Variants in PLCE1 observed in about 807,000 individuals in gnomAD.
PLCE1 encodes the protein 1-phosphatidylinositol 4,5-bisphosphate phosphodiesterase epsilon-1.
A neutral mutation model predicts 242.8 loss-of-function variants in PLCE1; 119 were observed. The observed-to-expected ratio is 0.49, with a 90% confidence interval of 0.42 to 0.57. The LOEUF is 0.57. Among genes scored for constraint, PLCE1 ranks in the 20% least tolerant of loss-of-function variants. The pLI, the probability that PLCE1 is intolerant of heterozygous loss-of-function variation, is 0.00. For missense variants in PLCE1, 2,441 were observed against 2,788.8 expected, an observed-to-expected ratio of 0.88 and a Z score of 2.81; for synonymous variants, 945 against 1,017.4, an observed-to-expected ratio of 0.93 and a Z score of 1.35.
At chr10:94,033,580 CT>C (rs1002989513) in intron 2 of PLCE1, among the ~76,000 whole-genome samples, 12 of 151,896 alleles carry the variant, frequency 7.9e-5, no homozygotes, top group South Asian at 2.1e-4. Flanking sequence ...TAATGAATCA[CT>C]TTTTTTTCCT....
chr10:94,266,729 A>G (rs1444648222), intron 16 of PLCE1, among the ~76,000 whole-genome samples: 1 of 152,194 alleles, frequency 6.6e-6, no homozygotes, highest in African/African-American at 2.4e-5. Flanking sequence ...TGAAAACTAC[A>G]GGTGTATTGT....
intron 1 of PLCE1, among the ~76,000 whole-genome samples, chr10:94,004,553 G>T (rs2134205292): frequency 6.6e-6 from 1 of 152,344 alleles, no homozygotes; most frequent in East Asian, 1.9e-4. Context: ...TACTGCATGG[G>T]TGTCTTTGTG....
chr10:94,217,853 T>C (rs1420676432), intron 4 of PLCE1, among the ~76,000 whole-genome samples: 1 of 151,992 alleles, frequency 6.6e-6, no homozygotes, highest in Non-Finnish European at 1.5e-5. Flanking sequence ...CAGAATAACA[T>C]GTTCTCTACC....
intron 27 of PLCE1, among the ~76,000 whole-genome samples, chr10:94,311,872 C>T (rs1430362472): frequency 9.9e-5 from 15 of 152,134 alleles, no homozygotes; most frequent in Non-Finnish European, 1.5e-5. Context: ...AATTCACATG[C>T]CAGGAGGATC....
At chr10:94,236,686 G>A (rs990245893) in intron 7 of PLCE1, among the ~76,000 whole-genome samples, 2 of 152,156 alleles carry the variant, frequency 1.3e-5, no homozygotes, top group Non-Finnish European at 2.9e-5. Context: ...CAAGGCATCT[G>A]CAGGTTTTTA....
At chr10:94,106,063 C>T (rs1000002164) in intron 2 of PLCE1, 1 of 152,200 alleles carries the variant, frequency 6.6e-6, no homozygotes, top group African/African-American at 2.4e-5. Context: ...AGCTGGGATT[C>T]AAACTCAGGA....
rs747614650 is a variant in PLCE1 at position 94,293,611 on chromosome 10, A to T, written c.5139A>T (p.Thr1713=). ...NNPGRMSPGE[T]ASFNKTSGKS... is the part of the protein sequence containing the mutation. ...CGGGCAGAATGAGCCCAGGGGAGAC[A>T]GCATCATTTAACAAAACATCTGGAA... Residue 1713 remains threonine, a synonymous_variant, in exon 23 of 33, where the codon ACA becomes ACT. Transcript: ENST00000371380. 3.7e-6 allele frequency: 6 copies of T among 1,613,854 alleles called. No homozygotes were observed. The highest frequency in any genetic ancestry group is 1.6e-4 in the Middle Eastern group (1 of 6,084).
rs977550656 is a variant in PLCE1, at chr10:94,252,304, G to T, written c.3097-12G>T. On this transcript the variant is annotated splice_polypyrimidine_tract_variant and intron_variant, in intron 8 of 32. Transcript: ENST00000371380. ...TGCTTCCTATTGTGTTCACCATGTG[G>T]CTCTTTCACAGGAGGATGGACGGTA... The T allele has an allele frequency of 6.2e-7, 1 of 1,612,942 alleles. No individual in the cohort carries two copies. Among genetic ancestry groups the T allele is most frequent in the Non-Finnish European group, 8.5e-7 (1 of 1,178,978 alleles).
At chr10:94,301,375 TAG>T in intron 24 of PLCE1, among the ~76,000 whole-genome samples, 1 of 151,570 alleles carries the variant, frequency 6.6e-6, no homozygotes, top group Non-Finnish European at 1.5e-5. Context: ...ATTATATATA[TAG>T]ATAGATAGAT....
chr10:94,137,754 T>A (rs1354218377), intron 3 of PLCE1: 1 of 191,384 alleles, frequency 5.2e-6, no homozygotes, highest in African/African-American at 2.4e-5. Context: ...AGCAAGATAG[T>A]GCAGACACAG....
At chr10:94,044,074 G>T (rs1270470922) in intron 2 of PLCE1, among the ~76,000 whole-genome samples, 1 of 152,154 alleles carries the variant, frequency 6.6e-6, no homozygotes, top group Admixed American at 6.5e-5. Flanking sequence ...GCTAGTGGTG[G>T]CAAAGAATCA....
chr10:94,294,852 C>A (rs2052755390), intron 23 of PLCE1, among the ~76,000 whole-genome samples: 1 of 147,646 alleles, frequency 6.8e-6, no homozygotes, highest in African/African-American at 2.5e-5. Context: ...CTTCCTTGTA[C>A]AAAAGATTTC....
At chr10:94,320,663 G>A (rs111572870) in intron 29 of PLCE1, among the ~76,000 whole-genome samples, 4 of 152,320 alleles carry the variant, frequency 2.6e-5, no homozygotes, top group Admixed American at 6.5e-5. Context: ...TTGCTGAGAT[G>A]AGGTTGTCTA....
intron 2 of PLCE1, among the ~76,000 whole-genome samples, chr10:94,041,881 C>T (rs2134643154): frequency 6.6e-6 from 1 of 152,172 alleles, no homozygotes; most frequent in South Asian, 2.1e-4. Flanking sequence ...CCCCTCTCTT[C>T]TAAAAAGAGC....
At chr10:94,118,418 T>C (rs1046400862) in intron 2 of PLCE1, among the ~76,000 whole-genome samples, 1 of 141,338 alleles carries the variant, frequency 7.1e-6, no homozygotes, top group African/African-American at 2.5e-5. Flanking sequence ...CTGATACAGT[T>C]TGGCTCTGTG....
At chr10:94,003,312 G>A (rs751048867) in intron 1 of PLCE1, among the ~76,000 whole-genome samples, 2 of 152,230 alleles carry the variant, frequency 1.3e-5, no homozygotes, top group East Asian at 1.9e-4. Context: ...TTTATATTCC[G>A]GGATTTAAGC....
chr10:94,072,217 C>T (rs982075418), intron 2 of PLCE1, among the ~76,000 whole-genome samples: 5 of 152,130 alleles, frequency 3.3e-5, no homozygotes, highest in African/African-American at 9.7e-5. Flanking sequence ...CTACTCTTTA[C>T]CTTTCCTATT....
At chr10:94,190,498 G>A (rs540299801) in intron 4 of PLCE1, among the ~76,000 whole-genome samples, 1 of 152,194 alleles carries the variant, frequency 6.6e-6, no homozygotes, top group South Asian at 2.1e-4. Context: ...ACCAGCTACT[G>A]GGGAGGCTGA....
intron 4 of PLCE1, among the ~76,000 whole-genome samples, chr10:94,183,078 G>T (rs775046735): frequency 2.0e-5 from 3 of 152,196 alleles, no homozygotes; most frequent in Non-Finnish European, 4.4e-5. Flanking sequence ...TTTGGTCAGA[G>T]ATTAGGATTT....
Sources: allele counts gnomAD v4.1 joint callset (sites outside exome capture counted in the v4.1 genomes callset), GRCh38; gene constraint gnomAD v4.1.1; transcripts MANE v1.5; gene names NCBI Gene and HGNC (gene_info 2026-07-23, HGNC 2026-07-21).